The following CXCL13 variants were observed in gnomAD, a reference collection of about 807,000 sequenced individuals.
The protein encoded by CXCL13 is C-X-C motif chemokine 13.
A neutral mutation model predicts 12.2 loss-of-function variants in CXCL13; 7 were observed. The observed-to-expected ratio is 0.57, with a 90% CI of 0.33 to 1.07. CXCL13 has a LOEUF of 1.07. Ranked by LOEUF, CXCL13 falls within the 50% of genes least tolerant of loss-of-function variation. The probability of loss-of-function intolerance (pLI) is 0.04; values close to 1 mark genes in which losing one functional copy is unlikely to be tolerated. For missense variants in CXCL13, 113 were observed against 127.4 expected, an observed-to-expected ratio of 0.89 and a Z score of 0.55; for synonymous variants, 47 against 42.4, an observed-to-expected ratio of 1.11 and a Z score of -0.42.
intron 1 of CXCL13, among the ~76,000 whole-genome samples, chr4:77,595,886 A>G (rs965032739): frequency 6.6e-6 from 1 of 152,096 alleles, no homozygotes; most frequent in African/African-American, 2.4e-5. Flanking sequence ...TCCTAAGACA[A>G]TGTCCCCTGG....
At chr4:77,547,123 G>A (rs1725386293) in intron 1 of CXCL13, among the ~76,000 whole-genome samples, 1 of 152,182 alleles carries the variant, frequency 6.6e-6, no homozygotes, top group African/African-American at 2.4e-5. Flanking sequence ...TGTGATTGCT[G>A]TTCTTTTACA....
intron 1 of CXCL13, among the ~76,000 whole-genome samples, chr4:77,532,546 G>T (rs1724953915): frequency 1.3e-5 from 2 of 152,110 alleles, no homozygotes. Flanking sequence ...TTCTCGAGGA[G>T]TATCTTTGTG....
chr4:77,539,292 A>AT lies in CXCL13; in HGVS notation c.-43+27510dup, dbSNP rs1401949799. On this transcript the variant is annotated intron_variant, in intron 1 of 4. Transcript: ENST00000286758. The stretch of plus-strand genomic sequence containing the variant: ...GTCATAAAAACTACACACCCAGCTA[A>AT]TTTTTTGTATTTTTAATAGAGACAG... Among the ~76,000 whole-genome samples the AT allele has an allele frequency of 3.9e-5, 6 of 152,054 alleles. No individual in the cohort carries two copies. The East Asian group carries it at 9.7e-4, about 25-fold the overall frequency.
chr4:77,579,149 G>T lies in CXCL13; in HGVS notation c.-42-26675G>T, dbSNP rs180754193. ...AGAAGAGCTGCCATCAGCTGTGGAT[G>T]GTCTCCAAACTGACATTTGTTGGGA... is the stretch of plus-strand genomic sequence containing the variant. On this transcript the variant is annotated intron_variant, in intron 1 of 4. Coordinates refer to the CXCL13 transcript ENST00000286758. Among the ~76,000 whole-genome samples the T allele has an allele frequency of 3.1e-4, 47 of 152,320 alleles. No homozygotes were observed. The East Asian group carries it at 8.7e-3, about 28-fold the overall frequency.
chr4:77,586,489 G>A (rs1001974104), intron 1 of CXCL13, among the ~76,000 whole-genome samples: 2 of 152,122 alleles, frequency 1.3e-5, no homozygotes, highest in Non-Finnish European at 2.9e-5. Flanking sequence ...TGAACTTAAA[G>A]GGACCTAACA....
chr4:77,594,972 A>T (rs187387199), intron 1 of CXCL13, among the ~76,000 whole-genome samples: 2 of 152,244 alleles, frequency 1.3e-5, no homozygotes, highest in Admixed American at 6.5e-5. Context: ...AGAGGGAAAA[A>T]AATTGGCCAC....
Position 77,569,586 on chromosome 4 carries a change from A to G in CXCL13, c.-42-36238A>G, listed in dbSNP as rs74450185. The stretch of plus-strand genomic sequence containing the variant: ...CTAACCAGGAAGGTGAAAGATTTCT[A>G]CAAGGAGACCTACAAGATACTGCTC... On this transcript the variant is annotated intron_variant, in intron 1 of 4. Transcript: ENST00000286758. Among the ~76,000 whole-genome samples the G allele has an allele frequency of 5.0e-3, 763 of 152,310 alleles. 2 individuals carry two copies. The highest frequency in any genetic ancestry group is 7.0e-3 in the Non-Finnish European group (478 of 68,014).
intron 1 of CXCL13, among the ~76,000 whole-genome samples, chr4:77,567,552 T>A (rs776980739): frequency 3.0e-4 from 45 of 152,104 alleles, no homozygotes; most frequent in Non-Finnish European, 4.9e-4. Context: ...AGACAGGAGT[T>A]TGGCAGGCTT....
At chr4:77,528,704 A>G (rs930506198) in intron 1 of CXCL13, among the ~76,000 whole-genome samples, 4 of 152,168 alleles carry the variant, frequency 2.6e-5, no homozygotes, top group African/African-American at 9.7e-5. Flanking sequence ...GTAGATTGCA[A>G]AAATGTTCTC....
chr4:77,557,712 G>A (rs1392113707), intron 1 of CXCL13, among the ~76,000 whole-genome samples: 1 of 152,152 alleles, frequency 6.6e-6, no homozygotes, highest in African/African-American at 2.4e-5. Flanking sequence ...GGTCTTTAGT[G>A]GCATTTTCTA....
At chr4:77,549,563 T>G (rs945942875) in intron 1 of CXCL13, among the ~76,000 whole-genome samples, 1 of 152,250 alleles carries the variant, frequency 6.6e-6, no homozygotes, top group Non-Finnish European at 1.5e-5. Context: ...TTCCTTTCTG[T>G]TTGTTAGTTT....
At chr4:77,531,109 T>TATTA (rs1202476486) in intron 1 of CXCL13, among the ~76,000 whole-genome samples, 3 of 147,802 alleles carry the variant, frequency 2.0e-5, no homozygotes, top group South Asian at 2.1e-4. Flanking sequence ...TTATTATTAT[T>TATTA]ATTATTATTA....
At chr4:77,577,900 G>GA (rs907245421) in intron 1 of CXCL13, among the ~76,000 whole-genome samples, 2 of 151,994 alleles carry the variant, frequency 1.3e-5, no homozygotes, top group Non-Finnish European at 2.9e-5. Flanking sequence ...GGACTCCTTT[G>GA]AAAAAACCTC....
intron 1 of CXCL13, among the ~76,000 whole-genome samples, chr4:77,564,061 C>A (rs781252055): frequency 2.0e-5 from 3 of 152,174 alleles, no homozygotes; most frequent in Non-Finnish European, 4.4e-5. Flanking sequence ...GAACAAGACA[C>A]CCCACATTTT....
intron 1 of CXCL13, among the ~76,000 whole-genome samples, chr4:77,550,050 G>A (rs981167871): frequency 4.6e-5 from 7 of 152,198 alleles, no homozygotes; most frequent in Non-Finnish European, 1.0e-4. Flanking sequence ...CAGCAATGGC[G>A]GACACCCCTC....
intron 1 of CXCL13, among the ~76,000 whole-genome samples, chr4:77,545,731 C>T (rs1725345788): frequency 1.3e-5 from 2 of 152,082 alleles, no homozygotes; most frequent in Non-Finnish European, 1.5e-5. Context: ...TAATTGAATA[C>T]CCTTTATTTC....
chr4:77,536,908 C>G (rs1489742130), intron 1 of CXCL13, among the ~76,000 whole-genome samples: 1 of 152,056 alleles, frequency 6.6e-6, no homozygotes, highest in Non-Finnish European at 1.5e-5. Context: ...GAGGTGTGAT[C>G]TGTTGAGTTC....
At chr4:77,576,522 C>T (rs1048374711) in intron 1 of CXCL13, among the ~76,000 whole-genome samples, 1 of 152,170 alleles carries the variant, frequency 6.6e-6, no homozygotes, top group Non-Finnish European at 1.5e-5. Context: ...GGAAAATTGG[C>T]CTCATACCTT....
intron 1 of CXCL13, among the ~76,000 whole-genome samples, chr4:77,527,111 A>T (rs1029818172): frequency 1.3e-5 from 2 of 152,168 alleles, no homozygotes; most frequent in African/African-American, 4.8e-5. Flanking sequence ...ACCGAAGAAG[A>T]CCTACAGATG....
Sources: allele counts gnomAD v4.1 joint callset (sites outside exome capture counted in the v4.1 genomes callset), GRCh38; gene constraint gnomAD v4.1.1; transcripts MANE v1.5; gene names NCBI Gene and HGNC (gene_info 2026-07-23, HGNC 2026-07-21).